Variants in CCT7 observed in about 807,000 individuals in gnomAD.
CCT7 encodes chaperonin containing TCP1 subunit 7.
Under a neutral mutation model 56.6 loss-of-function variants are expected in CCT7, and 16 were observed. The ratio of observed to expected loss-of-function variants is 0.28; its 90% CI spans 0.19 to 0.43. CCT7 has a LOEUF of 0.43. CCT7 is among the 20% of genes least tolerant of loss of function. The pLI is 1.00. For synonymous variants in CCT7, 262 were observed against 254.8 expected (o/e 1.03, Z -0.27); for missense variants, 519 against 685.6 (o/e 0.76, Z 2.71).
intron 1 of CCT7, chr2:73,237,701 T>C (rs1173417597): frequency 1.3e-5 from 2 of 152,166 alleles, no homozygotes; most frequent in Non-Finnish European, 2.9e-5. Context: ...GGGGTTTACA[T>C]GACAAGCATT....
intron 11 of CCT7, among the ~76,000 whole-genome samples, chr2:73,251,938 CAAAAA>C (rs34402523): frequency 1.5e-5 from 2 of 134,416 alleles, no homozygotes; most frequent in Admixed American, 7.5e-5. Flanking sequence ...GACTCCATCT[CAAAAA>C]AAAAAAAAGA....
At position 73,239,645 on chromosome 2, in the gene CCT7, C is replaced by T. The variant is rs62149568; in HGVS notation, c.9C>T (p.Pro3=). Residue 3 remains proline, a splice_region_variant and synonymous_variant, in exon 2 of 12, where the codon CCC becomes CCT. Transcript: ENST00000258091. MM[P]TPVILLKEGT... ...CAGTTAATTTCTTTCTTTTCTAGCC[C>T]ACACCAGTTATCCTATTGAAAGAGG... is the stretch of plus-strand genomic sequence containing the variant. The T allele has an allele frequency of 1.2e-6, 2 of 1,613,486 alleles. No individual in the cohort carries two copies. The highest frequency in any genetic ancestry group is 1.7e-6 in the Non-Finnish European group (2 of 1,179,604).
intron 5 of CCT7, chr2:73,244,252 C>G: frequency 1.6e-6 from 1 of 631,234 alleles, no homozygotes; most frequent in Non-Finnish European, 2.7e-6. Flanking sequence ...CAGAAGCATG[C>G]TGCAATCCCT....
At chr2:73,247,998 G>A in intron 7 of CCT7, 72 bp downstream of exon 7, 1 of 1,340,564 alleles carries the variant, frequency 7.5e-7, no homozygotes, top group Non-Finnish European at 1.1e-6. Flanking sequence ...GGGTCTTCAT[G>A]GCTATTGTGG....
At chr2:73,238,325 C>T (rs1257315373) in intron 1 of CCT7, among the ~76,000 whole-genome samples, 3 of 152,234 alleles carry the variant, frequency 2.0e-5, no homozygotes, top group Non-Finnish European at 1.5e-5. Context: ...CTGGTTCCTG[C>T]CTGCCTCTTC....
At chr2:73,246,565 G>A (rs1188608382) in intron 6 of CCT7, among the ~76,000 whole-genome samples, 1 of 151,998 alleles carries the variant, frequency 6.6e-6, no homozygotes. Flanking sequence ...ATTCTTCTGC[G>A]TAAAGCCTTC....
intron 1 of CCT7, chr2:73,238,947 T>C (rs1046783876): frequency 3.3e-5 from 5 of 152,200 alleles, no homozygotes; most frequent in Admixed American, 3.3e-4. Context: ...CAATGCAATA[T>C]AGAAAGAGGA....
chr2:73,239,640 T>G lies in CCT7; in HGVS notation c.7-3T>G. The G allele has an allele frequency of 6.2e-7, 1 of 1,613,428 alleles. No individual in the cohort carries two copies. The highest frequency in any genetic ancestry group is 8.5e-7 in the Non-Finnish European group (1 of 1,179,584). On this transcript the variant is annotated splice_polypyrimidine_tract_variant and splice_region_variant and intron_variant, in intron 1 of 11. Coordinates refer to ENST00000258091, the MANE Select transcript of CCT7 (RefSeq NM_006429.4). ...AAAAGCAGTTAATTTCTTTCTTTTC[T>G]AGCCCACACCAGTTATCCTATTGAA...
At chr2:73,235,490 T>C (rs1686839433) in intron 1 of CCT7, 14 of 963,118 alleles carry the variant, frequency 1.5e-5, no homozygotes, top group African/African-American at 1.8e-5. Context: ...ATCCCGCTTG[T>C]ACCCAAGGTA....
In CCT7 at chr2:73,243,091, C is replaced by A. The variant is rs1483428095; in HGVS notation, c.355C>A (p.Gln119Lys). The A allele has an allele frequency of 5.0e-6, 8 of 1,614,024 alleles. No individual in the cohort carries two copies. The South Asian group carries it at 7.7e-5, about 16-fold the overall frequency. ...KPYVEEGLHPQIIIRAFRTAT... is the reference protein window; with the variant it reads ...KPYVEEGLHPKIIIRAFRTAT... ...CTATGTGGAGGAAGGTTTACACCCC[C>A]AGATCATCATTCGAGCTTTCCGCAC... Residue 119 changes from glutamine to lysine, a missense_variant, in exon 4 of 12, where the codon CAG becomes AAG. Gln to Lys is a moderately conservative substitution (Grantham distance 53). This residue lies in a region of CCT7 where 276 missense variants were observed against 357.3 expected (regional missense o/e 0.77). Coordinates refer to ENST00000258091, the MANE Select transcript of CCT7 (RefSeq NM_006429.4).
intron 1 of CCT7, among the ~76,000 whole-genome samples, chr2:73,237,199 T>C (rs532531473): frequency 6.6e-6 from 1 of 152,354 alleles, no homozygotes; most frequent in Non-Finnish European, 1.5e-5. Flanking sequence ...CCTTGTTTAT[T>C]ACTGTAGAGA....
At position 73,244,712 on chromosome 2, in the gene CCT7, C is replaced by T. The variant is rs377271042; in HGVS notation, c.615C>T (p.Leu205=). ...IGIKKVQGGA[L]EDSQLVAGVA... is the part of the protein sequence containing the mutation. The stretch of plus-strand genomic sequence containing the variant: ...TCAAGAAGGTACAGGGTGGAGCCCT[C>T]GAGGTAAGCCTGCTGTGGCCTTCCT... Residue 205 remains leucine (L), a synonymous_variant, in exon 6 of 12, where the codon CTC becomes CTT. Transcript: ENST00000258091. The T allele has an allele frequency of 1.3e-5, 21 of 1,608,132 alleles. No individual in the cohort carries two copies. The highest frequency in any genetic ancestry group is 1.1e-4 in the African/African-American group (8 of 74,946).
intron 1 of CCT7, among the ~76,000 whole-genome samples, chr2:73,236,180 G>C (rs967896533): frequency 6.6e-6 from 1 of 152,210 alleles, no homozygotes; most frequent in African/African-American, 2.4e-5. Flanking sequence ...GGCGTTGAGC[G>C]CTGTGTGCCT....
chr2:73,246,281 A>C (rs1303148765), intron 6 of CCT7, among the ~76,000 whole-genome samples: 1 of 151,584 alleles, frequency 6.6e-6, no homozygotes, highest in Non-Finnish European at 1.5e-5. Flanking sequence ...CTTGTCCTCC[A>C]CTCCTGTGAT....
intron 8 of CCT7, 31 bp downstream of exon 8, chr2:73,249,210 C>G: frequency 1.3e-6 from 2 of 1,560,412 alleles, no homozygotes; most frequent in South Asian, 2.4e-5. Flanking sequence ...TGCTTCTCGG[C>G]CTTTGTGGCC....
In CCT7 at chr2:73,236,771, C is replaced by T. The variant is rs936579170; in HGVS notation, c.6+2387C>T. Among the ~76,000 whole-genome samples, 5 of 152,228 alleles carry T rather than the reference C, an allele frequency of 3.3e-5. No individual in the cohort carries two copies. The South Asian group carries it at 8.3e-4, about 25-fold the overall frequency. ...AGAGGACCTATCCTGCTTGTCTTGG[C>T]TTGACTCAATCCAGCTCTGCCACCT... On this transcript the variant is annotated intron_variant, in intron 1 of 11. Coordinates refer to ENST00000258091, the MANE Select transcript of CCT7 (RefSeq NM_006429.4).
chr2:73,239,505 A>C, intron 1 of CCT7, 138 bp from the exon 2 acceptor site: 1 of 734,112 alleles, frequency 1.4e-6, no homozygotes, highest in Non-Finnish European at 2.2e-6. Flanking sequence ...TGGATGTGGT[A>C]GACAGTTGGG....
Position 73,252,863 on chromosome 2 carries a change from A to G in CCT7, c.*2A>G. The G allele has an allele frequency of 2.5e-6, 4 of 1,611,238 alleles. No individual in the cohort carries two copies. The highest frequency in any genetic ancestry group is 3.4e-6 in the Non-Finnish European group (4 of 1,178,126). On this transcript the variant is annotated 3_prime_UTR_variant, in exon 12 of 12. Transcript: ENST00000258091. ...CGTGGTCGTGGCCGCCCCCACTGAG[A>G]GGCACCCCACCCATCACATGGCTGG...
rs1687058380 is a variant in CCT7 at position 73,240,485 on chromosome 2, ATGT to A, written c.213_215del (p.Val72del). On this transcript the variant is annotated inframe_deletion, in exon 3 of 12. Transcript: ENST00000258091. ...GGGGCCACAATTCTGAAACTTCTTGATGTTGTCCATCCTGCAGCAAAGACTTTG... is the reference window on the plus strand; with the variant it reads ...GGGGCCACAATTCTGAAACTTCTTGATGTCCATCCTGCAGCAAAGACTTTG... 1 of 1,612,442 alleles carries A rather than the reference ATGT, an allele frequency of 6.2e-7. No individual in the cohort carries two copies. Among genetic ancestry groups the A allele is most frequent in the Non-Finnish European group, 8.5e-7 (1 of 1,179,070 alleles).
Sources: allele counts gnomAD v4.1 joint callset (sites outside exome capture counted in the v4.1 genomes callset), GRCh38; gene constraint gnomAD v4.1.1; regional missense constraint gnomAD v4.1.1; transcripts MANE v1.5; gene names NCBI Gene and HGNC (gene_info 2026-07-23, HGNC 2026-07-21).